The following CNTNAP2 variants were observed in gnomAD, a reference collection of about 807,000 sequenced individuals.
CNTNAP2 encodes the protein contactin associated protein 2.
A neutral mutation model predicts 155.2 loss-of-function variants in CNTNAP2; 98 were observed. That is an observed-to-expected ratio of 0.63 (90% confidence interval 0.54 to 0.75). The LOEUF is 0.75. Among genes scored for constraint, CNTNAP2 ranks in the 30% least tolerant of loss-of-function variants. The pLI, the probability that CNTNAP2 is intolerant of heterozygous loss-of-function variation, is 0.00. For missense variants in CNTNAP2, 1,727 were observed against 1,688.1 expected (o/e 1.02, Z -0.40); for synonymous variants, 651 against 631.2 (o/e 1.03, Z -0.47).
At chr7:146,405,537 A>G (rs965642170) in intron 1 of CNTNAP2, among the ~76,000 whole-genome samples, 1 of 152,234 alleles carries the variant, frequency 6.6e-6, no homozygotes, top group African/African-American at 2.4e-5. Context: ...ATTTAAAGAT[A>G]ACTAATATTA....
intron 14 of CNTNAP2, among the ~76,000 whole-genome samples, chr7:147,955,669 T>TC (rs1801006952): frequency 6.6e-6 from 1 of 151,932 alleles, no homozygotes; most frequent in Non-Finnish European, 1.5e-5. Flanking sequence ...ACTGGCCTGC[T>TC]CCCCACCTCA....
chr7:148,283,307 GGAAGGAAGGAAGGAAA>G (rs1320456426), intron 21 of CNTNAP2, among the ~76,000 whole-genome samples: 1 of 58,356 alleles, frequency 1.7e-5, no homozygotes, highest in African/African-American at 8.5e-5. Context: ...AAGAAAGAAA[GGAAGGAAGGAAGGAAA>G]GAAAGAAAGA....
chr7:146,826,512 T>C (rs1014665181), intron 2 of CNTNAP2, among the ~76,000 whole-genome samples: 80 of 152,116 alleles, frequency 5.3e-4, no homozygotes, highest in African/African-American at 1.9e-3. Flanking sequence ...AGTCCATTCT[T>C]ATTCCCAGCT....
intron 8 of CNTNAP2, among the ~76,000 whole-genome samples, chr7:147,228,886 TATGAGTGAAAAC>T (rs1803611743): frequency 6.6e-6 from 1 of 150,480 alleles, no homozygotes; most frequent in Admixed American, 6.7e-5. Flanking sequence ...AACTCCCACT[TATGAGTGAAAAC>T]ATGCAGTGTT....
intron 1 of CNTNAP2, among the ~76,000 whole-genome samples, chr7:146,490,771 A>G (rs1797126706): frequency 6.6e-6 from 1 of 152,214 alleles, no homozygotes; most frequent in African/African-American, 2.4e-5. Context: ...CTGGAATTTT[A>G]AGTAGTTTAT....
intron 11 of CNTNAP2, among the ~76,000 whole-genome samples, chr7:147,498,728 T>C (rs1172957622): frequency 1.3e-5 from 2 of 152,216 alleles, no homozygotes; most frequent in Non-Finnish European, 2.9e-5. Flanking sequence ...AGTAATCTCT[T>C]TGCTATTTAA....
intron 1 of CNTNAP2, among the ~76,000 whole-genome samples, chr7:146,473,750 GT>G (rs1192467359): frequency 6.8e-6 from 1 of 146,652 alleles, no homozygotes; most frequent in Non-Finnish European, 1.5e-5. Context: ...TATTTTGTAT[GT>G]TTTTCCCCCC....
intron 3 of CNTNAP2, among the ~76,000 whole-genome samples, chr7:146,847,824 A>G (rs575344335): frequency 6.6e-6 from 1 of 152,264 alleles, no homozygotes; most frequent in South Asian, 2.1e-4. Context: ...TGTCATATGA[A>G]TTGTGCCTGG....
chr7:146,687,452 G>T (rs1800620186), intron 1 of CNTNAP2, among the ~76,000 whole-genome samples: 1 of 152,128 alleles, frequency 6.6e-6, no homozygotes, highest in African/African-American at 2.4e-5. Flanking sequence ...ATTAGCTACA[G>T]TCCTCATCAT....
intron 1 of CNTNAP2, among the ~76,000 whole-genome samples, chr7:146,525,430 A>G (rs1384789290): frequency 6.6e-6 from 1 of 152,218 alleles, no homozygotes; most frequent in African/African-American, 2.4e-5. Flanking sequence ...TCAAATAGAA[A>G]TACCAAATTG....
At chr7:148,340,419 A>G (rs892599674) in intron 21 of CNTNAP2, among the ~76,000 whole-genome samples, 2 of 152,224 alleles carry the variant, frequency 1.3e-5, no homozygotes, top group Non-Finnish European at 2.9e-5. Context: ...GAGTAAAAAT[A>G]GCATCAAATT....
intron 15 of CNTNAP2, among the ~76,000 whole-genome samples, chr7:147,979,083 G>A (rs1234292351): frequency 6.6e-6 from 1 of 152,172 alleles, no homozygotes; most frequent in Non-Finnish European, 1.5e-5. Context: ...GGAACGTAAT[G>A]ATGCATGCTT....
chr7:148,243,255 G>C (rs749366146), intron 20 of CNTNAP2, among the ~76,000 whole-genome samples: 1 of 152,100 alleles, frequency 6.6e-6, no homozygotes, highest in Non-Finnish European at 1.5e-5. Flanking sequence ...CAACATCATA[G>C]CTTCTGCCAG....
chr7:147,365,701 A>G (rs1404963870), intron 9 of CNTNAP2, among the ~76,000 whole-genome samples: 1 of 152,160 alleles, frequency 6.6e-6, no homozygotes, highest in African/African-American at 2.4e-5. Flanking sequence ...TGTAAAATAT[A>G]TATTCTAGAT....
chr7:147,341,090 G>GTA (rs1554471891), intron 9 of CNTNAP2, among the ~76,000 whole-genome samples: 1 of 140,284 alleles, frequency 7.1e-6, no homozygotes, highest in African/African-American at 2.8e-5. Context: ...GTGTGTGTGT[G>GTA]TATATATATA....
chr7:147,681,459 A>G (rs989123886), intron 13 of CNTNAP2, among the ~76,000 whole-genome samples: 1 of 151,742 alleles, frequency 6.6e-6, no homozygotes, highest in African/African-American at 2.4e-5. Context: ...CCCATGCTAG[A>G]TGGGGTTTGG....
chr7:148,197,544 A>G (rs1795296581), intron 18 of CNTNAP2, among the ~76,000 whole-genome samples: 1 of 152,230 alleles, frequency 6.6e-6, no homozygotes, highest in Non-Finnish European at 1.5e-5. Context: ...AATACAACAG[A>G]GTCAATGTAT....
intron 8 of CNTNAP2, among the ~76,000 whole-genome samples, chr7:147,235,890 T>G (rs1239754821): frequency 5.3e-5 from 8 of 152,126 alleles, no homozygotes; most frequent in Admixed American, 2.6e-4. Flanking sequence ...ACATACTTAT[T>G]CACAACAATA....
chr7:147,026,903 T>A (rs1798930798), intron 3 of CNTNAP2, among the ~76,000 whole-genome samples: 1 of 127,390 alleles, frequency 7.8e-6, no homozygotes, highest in Admixed American at 7.9e-5. Context: ...ATTAGCTTTG[T>A]CTCAGTGCTA....
Sources: allele counts gnomAD v4.1 joint callset (sites outside exome capture counted in the v4.1 genomes callset), GRCh38; gene constraint gnomAD v4.1.1; transcripts MANE v1.5; gene names NCBI Gene and HGNC (gene_info 2026-07-23, HGNC 2026-07-21).